TMEM117: variants seen among roughly 807,000 people sequenced by gnomAD.
TMEM117 encodes transmembrane protein 117.
TMEM117 carries 27 observed loss-of-function variants against 52.4 expected under a neutral mutation model. That is an observed-to-expected ratio of 0.51 (90% CI 0.38 to 0.71). TMEM117 has a LOEUF of 0.71. Ranked by LOEUF, TMEM117 falls within the 30% of genes least tolerant of loss-of-function variation. TMEM117 has a pLI of 0.00. For synonymous variants in TMEM117, 215 were observed against 206.3 expected (o/e 1.04, Z -0.36); for missense variants, 556 against 630.5 (o/e 0.88, Z 1.26).
chr12:43,987,379 T>C (rs1472856718), intron 3 of TMEM117, among the ~76,000 whole-genome samples: 1 of 152,190 alleles, frequency 6.6e-6, no homozygotes. Flanking sequence ...CATGCTAGAG[T>C]GATTTTTTAA....
At chr12:44,076,936 C>A (rs1003197429) in intron 3 of TMEM117, among the ~76,000 whole-genome samples, 3 of 152,134 alleles carry the variant, frequency 2.0e-5, no homozygotes, top group African/African-American at 7.2e-5. Context: ...GAAGGCCCAA[C>A]TAAGAAGCAG....
chr12:43,940,249 A>T (rs1945022189), intron 2 of TMEM117, among the ~76,000 whole-genome samples: 1 of 152,200 alleles, frequency 6.6e-6, no homozygotes, highest in Non-Finnish European at 1.5e-5. Context: ...TTCCAGAGGT[A>T]GGGCTCCCCA....
At chr12:44,070,894 C>T (rs780298497) in intron 3 of TMEM117, among the ~76,000 whole-genome samples, 5 of 151,966 alleles carry the variant, frequency 3.3e-5, no homozygotes, top group South Asian at 2.1e-4. Context: ...GCTGAGCTTC[C>T]GCAGGCAATG....
the TMEM117 span, chr12:43,804,476 T>C: frequency 6.7e-7 from 1 of 1,493,454 alleles, no homozygotes; most frequent in Non-Finnish European, 9.2e-7. Context: ...CAGAAAATAT[T>C]TTAAAATATT....
intron 5 of TMEM117, among the ~76,000 whole-genome samples, chr12:44,297,738 C>T (rs949220448): frequency 7.2e-5 from 11 of 152,146 alleles, no homozygotes; most frequent in African/African-American, 2.4e-4. Flanking sequence ...TGATTTCATT[C>T]AGAGTTGTTT....
chr12:44,253,477 A>C (rs1950219331), intron 5 of TMEM117, among the ~76,000 whole-genome samples: 1 of 152,184 alleles, frequency 6.6e-6, no homozygotes, highest in Non-Finnish European at 1.5e-5. Context: ...AAAAGACCCG[A>C]TATGAGCCTC....
chr12:44,003,084 C>T (rs573282663), intron 3 of TMEM117, among the ~76,000 whole-genome samples: 4 of 152,314 alleles, frequency 2.6e-5, no homozygotes, highest in Admixed American at 2.0e-4. Context: ...GCCCATTCTT[C>T]TGGGAACAGT....
intron 3 of TMEM117, among the ~76,000 whole-genome samples, chr12:44,071,883 C>A (rs1286718498): frequency 6.6e-6 from 1 of 152,124 alleles, no homozygotes; most frequent in African/African-American, 2.4e-5. Context: ...AGGCTCCGAT[C>A]CGGAGGTTCT....
chr12:44,063,512 C>G (rs894742105), intron 3 of TMEM117, among the ~76,000 whole-genome samples: 2 of 151,828 alleles, frequency 1.3e-5, no homozygotes, highest in African/African-American at 4.8e-5. Context: ...TACATGTGCA[C>G]AACGTACAGG....
chr12:44,227,411 G>A (rs1226214819), intron 5 of TMEM117, among the ~76,000 whole-genome samples: 1 of 152,012 alleles, frequency 6.6e-6, no homozygotes, highest in Non-Finnish European at 1.5e-5. Flanking sequence ...CTGAAATCAT[G>A]CCACTGCACT....
chr12:43,950,594 A>G (rs2137633097), intron 3 of TMEM117, among the ~76,000 whole-genome samples: 1 of 151,958 alleles, frequency 6.6e-6, no homozygotes, highest in East Asian at 1.9e-4. Flanking sequence ...CCAAAATAAT[A>G]ATTGGTCGCA....
intron 4 of TMEM117, among the ~76,000 whole-genome samples, chr12:44,152,209 T>A (rs1461448451): frequency 9.2e-6 from 1 of 108,482 alleles, no homozygotes; most frequent in Non-Finnish European, 1.6e-5. Context: ...ATAATTATAT[T>A]TATATTATAT....
chr12:44,097,374 C>T (rs373151678), intron 3 of TMEM117, among the ~76,000 whole-genome samples: 1 of 151,662 alleles, frequency 6.6e-6, no homozygotes, highest in East Asian at 1.9e-4. Flanking sequence ...GGTATATACC[C>T]AAAGGACTAT....
chr12:44,065,374 C>T (rs900571656), intron 3 of TMEM117, among the ~76,000 whole-genome samples: 2 of 151,474 alleles, frequency 1.3e-5, no homozygotes, highest in Admixed American at 1.3e-4. Context: ...GGCTACAGAG[C>T]GAGACTCTGT....
intron 5 of TMEM117, among the ~76,000 whole-genome samples, chr12:44,255,966 T>C (rs900937360): frequency 3.2e-4 from 48 of 152,146 alleles, no homozygotes; most frequent in African/African-American, 8.7e-4. Context: ...ATTAATAACC[T>C]GACTCAGAAA....
intron 7 of TMEM117, among the ~76,000 whole-genome samples, chr12:44,379,887 TAGATCC>T (rs1951996349): frequency 6.6e-6 from 1 of 152,168 alleles, no homozygotes; most frequent in African/African-American, 2.4e-5. Context: ...TAAAACCCTC[TAGATCC>T]GTCAGGGGAT....
At chr12:43,849,630 C>CTCTT (rs149333376) in intron 2 of TMEM117, among the ~76,000 whole-genome samples, 2 of 148,814 alleles carry the variant, frequency 1.3e-5, no homozygotes, top group African/African-American at 4.9e-5. Flanking sequence ...TTCTCTCTCT[C>CTCTT]TTTTTTTTTT....
intron 6 of TMEM117, among the ~76,000 whole-genome samples, chr12:44,356,515 C>T (rs1951651139): frequency 6.6e-6 from 1 of 151,930 alleles, no homozygotes; most frequent in South Asian, 2.1e-4. Flanking sequence ...AGTTTATTTC[C>T]AACTTTGACA....
At chr12:44,375,899 C>T (rs1177703640) in intron 6 of TMEM117, among the ~76,000 whole-genome samples, 1 of 152,162 alleles carries the variant, frequency 6.6e-6, no homozygotes, top group Non-Finnish European at 1.5e-5. Flanking sequence ...TCATTTGCAT[C>T]TGTTTCCCTT....
Sources: gnomAD v4.1 joint callset for allele counts (sites outside exome capture counted in the v4.1 genomes callset) on GRCh38, gnomAD v4.1.1 for gene constraint, MANE v1.5 for transcripts, NCBI Gene and HGNC (gene_info 2026-07-23, HGNC 2026-07-21) for gene names.